GRM8: variants seen among roughly 807,000 people sequenced by gnomAD.
GRM8 encodes glutamate metabotropic receptor 8.
In GRM8, 47 loss-of-function variants were observed where a neutral mutation model predicts 87.2. The observed-to-expected ratio is 0.54, with a 90% confidence interval of 0.43 to 0.69. The LOEUF (loss-of-function observed/expected upper bound fraction) is 0.69, where lower values mean the gene tolerates loss of function less well. Ranked by LOEUF, GRM8 falls within the 30% of genes least tolerant of loss-of-function variation. The pLI, the probability that GRM8 is intolerant of heterozygous loss-of-function variation, is 0.00. For missense variants in GRM8, 1,019 were observed against 1,139.2 expected (o/e 0.89, Z 1.52); for synonymous variants, 396 against 404.5 (o/e 0.98, Z 0.25).
intron 6 of GRM8, among the ~76,000 whole-genome samples, chr7:126,830,520 C>T (rs61946951): frequency 2.0e-5 from 3 of 152,216 alleles, no homozygotes; most frequent in Admixed American, 6.5e-5. Flanking sequence ...CTGCATTCTT[C>T]ACATAGTTCT....
At chr7:126,891,096 T>C (rs1227979098) in intron 6 of GRM8, among the ~76,000 whole-genome samples, 7 of 151,992 alleles carry the variant, frequency 4.6e-5, no homozygotes, top group African/African-American at 1.7e-4. Context: ...TCCCCAATCA[T>C]TCATTATATC....
intron 6 of GRM8, chr7:126,869,836 G>A (rs1452268206): frequency 6.8e-5 from 10 of 147,708 alleles, no homozygotes; most frequent in African/African-American, 1.8e-4. Flanking sequence ...ATGAGCATAC[G>A]CTTTCACTTA....
chr7:126,699,923 T>C (rs1463995136), intron 7 of GRM8, among the ~76,000 whole-genome samples: 2 of 152,206 alleles, frequency 1.3e-5, no homozygotes, highest in Non-Finnish European at 2.9e-5. Flanking sequence ...TCTAGGTCTA[T>C]TGATGGATAA....
rs559422684 is a variant in GRM8 at position 126,478,388 on chromosome 7, T to A, written c.2431-32016A>T. ...TATTCTTTAAATATCCAAAGCTGGA[T>A]CAGAGACATTACTGGCGTGAGATAA... is the stretch of plus-strand genomic sequence containing the variant. On this transcript the variant is annotated intron_variant, in intron 9 of 10. Coordinates refer to ENST00000339582, the MANE Select transcript of GRM8 (RefSeq NM_000845.3). Among the ~76,000 whole-genome samples the A allele has an allele frequency of 9.2e-5, 14 of 152,200 alleles. No individual in the cohort carries two copies. The East Asian group carries it at 2.7e-3, about 29-fold the overall frequency.
At chr7:126,978,711 C>T (rs1811245104) in intron 3 of GRM8, among the ~76,000 whole-genome samples, 2 of 152,270 alleles carry the variant, frequency 1.3e-5, no homozygotes, top group South Asian at 4.1e-4. Flanking sequence ...CTTTGAAAGT[C>T]CCTCCAAACC....
At chr7:126,638,528 G>A (rs1802071801) in intron 7 of GRM8, among the ~76,000 whole-genome samples, 1 of 152,172 alleles carries the variant, frequency 6.6e-6, no homozygotes, top group Non-Finnish European at 1.5e-5. Context: ...AGACAAGTAG[G>A]TTTATTTAGA....
intron 6 of GRM8, among the ~76,000 whole-genome samples, chr7:126,882,679 G>A (rs1800132058): frequency 6.6e-6 from 1 of 151,850 alleles, no homozygotes; most frequent in Non-Finnish European, 1.5e-5. Context: ...TTTTTAGAAG[G>A]TCAAGTATCT....
intron 8 of GRM8, among the ~76,000 whole-genome samples, chr7:126,575,089 A>G (rs966846128): frequency 2.0e-4 from 31 of 152,168 alleles, no homozygotes; most frequent in African/African-American, 6.8e-4. Flanking sequence ...CCCAGCCCCC[A>G]GGCCATAGAC....
intron 2 of GRM8, among the ~76,000 whole-genome samples, chr7:127,216,327 G>A (rs1185853201): frequency 6.6e-6 from 1 of 151,908 alleles, no homozygotes; most frequent in African/African-American, 2.4e-5. Flanking sequence ...GACCATTCCA[G>A]CCAGCACAGT....
intron 9 of GRM8, among the ~76,000 whole-genome samples, chr7:126,460,762 A>G (rs1803807409): frequency 6.6e-6 from 1 of 151,578 alleles, no homozygotes. Context: ...ACAATTTTCA[A>G]TGAGAAACTA....
intron 10 of GRM8, among the ~76,000 whole-genome samples, chr7:126,444,587 C>G (rs1343868276): frequency 6.6e-6 from 1 of 151,936 alleles, no homozygotes; most frequent in Admixed American, 6.6e-5. Flanking sequence ...TAACTGAAAC[C>G]AATATGTCTA....
chr7:126,919,124 A>T (rs1804228782), intron 3 of GRM8, among the ~76,000 whole-genome samples: 2 of 152,014 alleles, frequency 1.3e-5, no homozygotes, highest in South Asian at 4.1e-4. Context: ...TAACAGAAGC[A>T]CTCGTTCAAG....
At chr7:126,673,667 G>T (rs567808175) in intron 7 of GRM8, among the ~76,000 whole-genome samples, 1 of 152,138 alleles carries the variant, frequency 6.6e-6, no homozygotes, top group African/African-American at 2.4e-5. Context: ...TATCAAATTC[G>T]TCATGGTAGA....
intron 8 of GRM8, among the ~76,000 whole-genome samples, chr7:126,543,313 A>C (rs1466751558): frequency 6.6e-6 from 1 of 152,242 alleles, no homozygotes; most frequent in Non-Finnish European, 1.5e-5. Flanking sequence ...TACAACTCAT[A>C]GGTTTGAGAA....
chr7:126,853,894 G>A (rs1344000741), intron 6 of GRM8, among the ~76,000 whole-genome samples: 1 of 152,176 alleles, frequency 6.6e-6, no homozygotes, highest in Non-Finnish European at 1.5e-5. Flanking sequence ...GCAGTAAAAA[G>A]GAATGGATCC....
intron 6 of GRM8, among the ~76,000 whole-genome samples, chr7:126,860,772 A>G (rs1798075039): frequency 1.3e-5 from 2 of 152,160 alleles, no homozygotes; most frequent in South Asian, 4.1e-4. Flanking sequence ...TGGCTTTTAA[A>G]TTGTGACTAT....
chr7:127,082,623 A>C (rs559196424), intron 3 of GRM8, among the ~76,000 whole-genome samples: 10 of 152,330 alleles, frequency 6.6e-5, no homozygotes, highest in Admixed American at 2.0e-4. Flanking sequence ...CCCTATTATG[A>C]CATAAATCTC....
intron 9 of GRM8, among the ~76,000 whole-genome samples, chr7:126,496,562 T>C (rs967219343): frequency 2.0e-5 from 3 of 151,778 alleles, no homozygotes; most frequent in Admixed American, 6.6e-5. Context: ...TAACAGACTT[T>C]TCTGAACGAG....
chr7:127,042,630 T>A (rs1043837492), intron 3 of GRM8, among the ~76,000 whole-genome samples: 1 of 152,212 alleles, frequency 6.6e-6, no homozygotes, highest in Non-Finnish European at 1.5e-5. Context: ...GATAAAAGAC[T>A]TAAATGTTAC....
Sources: allele counts gnomAD v4.1 joint callset (sites outside exome capture counted in the v4.1 genomes callset), GRCh38; gene constraint gnomAD v4.1.1; transcripts MANE v1.5; gene names NCBI Gene and HGNC (gene_info 2026-07-23, HGNC 2026-07-21).